The following SDK2 variants were observed in gnomAD, a reference collection of about 807,000 sequenced individuals.
SDK2 encodes the protein sidekick cell adhesion molecule 2.
SDK2 carries 105 observed loss-of-function variants against 253.9 expected under a neutral mutation model. The observed-to-expected ratio is 0.41, with a 90% CI of 0.35 to 0.49. The LOEUF (loss-of-function observed/expected upper bound fraction) is 0.49. Ranked by LOEUF, SDK2 falls within the 20% of genes least tolerant of loss-of-function variation. The pLI, the probability that SDK2 is intolerant of heterozygous loss-of-function variation, is 0.06. For synonymous variants in SDK2, 1,249 were observed against 1,234.9 expected, an observed-to-expected ratio of 1.01 and a Z score of -0.24; for missense variants, 2,608 against 3,003.0, an observed-to-expected ratio of 0.87 and a Z score of 3.07.
At chr17:73,437,936 G>A (rs764700958) in intron 7 of SDK2, 28 bp downstream of exon 7, 4 of 1,563,740 alleles carry the variant, frequency 2.6e-6, no homozygotes, top group African/African-American at 1.4e-5. Context: ...CCCCTCAGGG[G>A]AGCCCTAGCA....
Position 73,379,428 on chromosome 17 carries a change from A to G in SDK2, c.4864+20T>C. 6.3e-7 allele frequency: 1 copy of G among 1,576,704 alleles called. No individual in the cohort carries two copies. Among genetic ancestry groups the G allele is most frequent in the Non-Finnish European group, 8.7e-7 (1 of 1,154,292 alleles). On this transcript the variant is annotated intron_variant, in intron 35 of 44. Transcript: ENST00000392650. The surrounding 1 kb of genome is among the most constrained non-coding windows in gnomAD (Gnocchi z 4.5). ...GCTGGGAAAGGCATGCTGGGGCCGG[A>G]CAGGGCGGGCGCTGCTCACCTGCCT... is the stretch of plus-strand genomic sequence containing the variant.
rs1207204015 is a variant in SDK2 at position 73,368,542 on chromosome 17, G to T, written c.5032C>A (p.Leu1678Ile). ...TTCACGCTGTTCTCAGCCAGGAAAAGCGTCTTCACTCGCTCTGTGAGGTTC... is the reference window on the plus strand; with the variant it reads ...TTCACGCTGTTCTCAGCCAGGAAAATCGTCTTCACTCGCTCTGTGAGGTTC... ...RGNLTERVKT[L>I]FLAENSVKLK... Residue 1678 changes from leucine (L) to isoleucine (I), a missense_variant, in exon 37 of 45, where the codon CTT becomes ATT. Transcript: ENST00000392650. 1 of 1,608,682 alleles carries T rather than the reference G, an allele frequency of 6.2e-7. No homozygotes were observed. The highest frequency in any genetic ancestry group is 8.5e-7 in the Non-Finnish European group (1 of 1,177,848).
chr17:73,378,829 G>A (rs1195177939), intron 36 of SDK2, among the ~76,000 whole-genome samples: 3 of 152,098 alleles, frequency 2.0e-5, no homozygotes, highest in African/African-American at 4.8e-5. Flanking sequence ...GCCCCTTGGA[G>A]GGTCTTAAGT....
At chr17:73,349,226 G>A (rs1030124907) in intron 43 of SDK2, among the ~76,000 whole-genome samples, 1 of 152,202 alleles carries the variant, frequency 6.6e-6, no homozygotes, top group African/African-American at 2.4e-5. Flanking sequence ...TGCTGTGGGG[G>A]CCTCAAACAG....
At chr17:73,590,639 A>G (rs1379391977) in intron 1 of SDK2, among the ~76,000 whole-genome samples, 2 of 152,216 alleles carry the variant, frequency 1.3e-5, no homozygotes, top group Non-Finnish European at 2.9e-5. Flanking sequence ...GAATCTGGGC[A>G]TGGCCAACCC....
intron 15 of SDK2, among the ~76,000 whole-genome samples, chr17:73,421,572 T>TG (rs1487887849): frequency 1.3e-4 from 13 of 102,400 alleles, no homozygotes; most frequent in African/African-American, 4.7e-4. Flanking sequence ...TCAATTTCCA[T>TG]CTTTTTTTTT....
intron 1 of SDK2, among the ~76,000 whole-genome samples, chr17:73,576,725 T>G (rs554869897): frequency 6.6e-6 from 1 of 152,288 alleles, no homozygotes; most frequent in East Asian, 1.9e-4. Flanking sequence ...CCAGTACCTA[T>G]AGGTCTCCCT....
At chr17:73,615,932 A>C (rs1220667946) in intron 1 of SDK2, among the ~76,000 whole-genome samples, 4 of 152,182 alleles carry the variant, frequency 2.6e-5, no homozygotes, top group African/African-American at 9.7e-5. Context: ...TATATACACA[A>C]ATACACATGC....
At chr17:73,499,049 G>A (rs1213465024) in intron 2 of SDK2, among the ~76,000 whole-genome samples, 1 of 152,220 alleles carries the variant, frequency 6.6e-6, no homozygotes. Flanking sequence ...TCGGTTCCTG[G>A]CACTTACCCT....
chr17:73,425,875 C>T lies in SDK2; in HGVS notation c.1584-1783G>A, dbSNP rs187490159. On this transcript the variant is annotated intron_variant, in intron 12 of 44. Transcript: ENST00000392650. ...CTGTAATATGAGGAAACTAACACCA[C>T]CCACCTCATAGCACTGCTGTGAGGA... is the stretch of plus-strand genomic sequence containing the variant. 2.9e-3 allele frequency among the ~76,000 whole-genome samples: 446 copies of T among 152,122 alleles called. 3 individuals carry two copies. The highest frequency in any genetic ancestry group is 0.01 in the African/African-American group (430 of 41,500).
chr17:73,539,042 G>A (rs2044823938), intron 1 of SDK2, among the ~76,000 whole-genome samples: 1 of 152,206 alleles, frequency 6.6e-6, no homozygotes, highest in Non-Finnish European at 1.5e-5. Context: ...GAGGAAGGGG[G>A]CAGGTGACCT....
intron 2 of SDK2, among the ~76,000 whole-genome samples, chr17:73,478,127 CTGAG>C (rs1443212411): frequency 3.9e-5 from 6 of 152,168 alleles, no homozygotes; most frequent in Non-Finnish European, 5.9e-5. Context: ...CATTAGTTTC[CTGAG>C]TGTCTTTTCA....
intron 40 of SDK2, among the ~76,000 whole-genome samples, chr17:73,355,176 T>TATATATATATATATATATATA (rs1568363071): frequency 1.7e-4 from 1 of 5,788 alleles, no homozygotes; most frequent in African/African-American, 4.7e-4. Context: ...ATATATATAT[T>TATATATATATATATATATATA]TTTTTTTTTT....
rs1401211531 is a variant in SDK2, at chr17:73,383,163, C to CA, written c.4705+712dup. Among the ~76,000 whole-genome samples the CA allele has an allele frequency of 5.9e-5, 9 of 152,366 alleles. No individual in the cohort carries two copies. Among genetic ancestry groups the CA allele is most frequent in the African/African-American group, 1.9e-4 (8 of 41,590 alleles). Reference sequence around the variant, plus strand: ...CTCCTGCTCTCTTGCCACGTGACTGCAACAGCCTCTATCTGGGCGCCTGCC... The same window carrying CA: ...CTCCTGCTCTCTTGCCACGTGACTGCAAACAGCCTCTATCTGGGCGCCTGCC... On this transcript the variant is annotated intron_variant, in intron 33 of 44. Coordinates refer to ENST00000392650, the MANE Select transcript of SDK2 (RefSeq NM_001144952.2). The surrounding 1 kb of genome is among the most constrained non-coding windows in gnomAD (Gnocchi z 4.3).
intron 16 of SDK2, 87 bp from the exon 17 acceptor site, chr17:73,416,079 A>G: frequency 7.9e-7 from 1 of 1,266,074 alleles, no homozygotes; most frequent in Admixed American, 2.1e-5. Flanking sequence ...GCGCTGTCCA[A>G]TAGGACTTCC....
intron 2 of SDK2, among the ~76,000 whole-genome samples, chr17:73,498,004 C>T (rs892030969): frequency 3.3e-5 from 5 of 152,142 alleles, no homozygotes; most frequent in Admixed American, 6.5e-5. Context: ...TCTCTGGGTC[C>T]CAACTTCCCC....
chr17:73,605,697 A>G (rs144042841), intron 1 of SDK2, among the ~76,000 whole-genome samples: 3 of 152,288 alleles, frequency 2.0e-5, no homozygotes, highest in Non-Finnish European at 4.4e-5. Flanking sequence ...GTGTGCCTCC[A>G]TGCACTGACC....
intron 1 of SDK2, among the ~76,000 whole-genome samples, chr17:73,552,060 C>G (rs1017208024): frequency 6.6e-6 from 1 of 152,126 alleles, no homozygotes; most frequent in East Asian, 1.9e-4. Flanking sequence ...GCTGCAGTCC[C>G]CACCGCCTGC....
chr17:73,445,231 A>T (rs1001776146), intron 5 of SDK2, among the ~76,000 whole-genome samples: 8 of 152,224 alleles, frequency 5.3e-5, no homozygotes, highest in Non-Finnish European at 1.2e-4. Context: ...CTTTACATTG[A>T]TTGTATGTTA....
Sources: gnomAD v4.1 joint callset for allele counts (sites outside exome capture counted in the v4.1 genomes callset) on GRCh38, gnomAD v4.1.1 for gene constraint, Gnocchi (gnomAD v3.1) non-coding constraint, MANE v1.5 for transcripts, NCBI Gene and HGNC (gene_info 2026-07-23, HGNC 2026-07-21) for gene names.